The following FRMD5 variants were observed in gnomAD, a reference collection of about 807,000 sequenced individuals.
FRMD5 encodes FERM domain containing 5, also known as FERM domain-containing protein 5.
Under a neutral mutation model 69.0 loss-of-function variants are expected in FRMD5, and 20 were observed. The ratio of observed to expected loss-of-function variants is 0.29; its 90% CI spans 0.20 to 0.42. The LOEUF (loss-of-function observed/expected upper bound fraction) is 0.42, where lower values mean the gene tolerates loss of function less well. Ranked by LOEUF, FRMD5 falls within the 10% of genes least tolerant of loss-of-function variation. The pLI, the probability that FRMD5 is intolerant of heterozygous loss-of-function variation, is 1.00. For synonymous variants in FRMD5, 271 were observed against 260.1 expected (o/e 1.04, Z -0.40); for missense variants, 595 against 708.6 (o/e 0.84, Z 1.82).
intron 1 of FRMD5, among the ~76,000 whole-genome samples, chr15:43,940,716 A>C (rs1327425881): frequency 6.6e-6 from 1 of 152,232 alleles, no homozygotes. Flanking sequence ...AGTGAGGATA[A>C]AAATTAAATC....
intron 1 of FRMD5, among the ~76,000 whole-genome samples, chr15:43,939,392 A>T (rs963845422): frequency 6.6e-6 from 1 of 152,126 alleles, no homozygotes; most frequent in Admixed American, 6.6e-5. Context: ...CTTCAGCATG[A>T]CATGCATGTG....
intron 1 of FRMD5, among the ~76,000 whole-genome samples, chr15:43,999,953 C>CATATATATATAT (rs34872140): frequency 2.1e-4 from 17 of 82,900 alleles, no homozygotes; most frequent in African/African-American, 7.7e-4. Context: ...ATATGCCATG[C>CATATATATATAT]ATATATATAT....
At chr15:43,888,784 T>C (rs1474501824) in intron 9 of FRMD5, 25 bp downstream of exon 9, 4 of 1,601,756 alleles carry the variant, frequency 2.5e-6, no homozygotes, top group Non-Finnish European at 3.4e-6. Context: ...CAGCCCTCCT[T>C]GAAGAGAAGG....
chr15:43,990,240 G>A, intron 1 of FRMD5: 2 of 400,058 alleles, frequency 5.0e-6, no homozygotes, highest in Non-Finnish European at 9.6e-6. Context: ...AAGGCTCTGT[G>A]CTCGCAGGGT....
intron 1 of FRMD5, among the ~76,000 whole-genome samples, chr15:43,930,429 C>G (rs983810776): frequency 6.6e-6 from 1 of 152,204 alleles, no homozygotes; most frequent in Non-Finnish European, 1.5e-5. Context: ...ACTCAGCCAT[C>G]AGGCTGGGAA....
At chr15:44,189,876 T>C (rs1021999534) in intron 1 of FRMD5, among the ~76,000 whole-genome samples, 6 of 152,124 alleles carry the variant, frequency 3.9e-5, no homozygotes, top group African/African-American at 1.4e-4. Context: ...AGGATAGACA[T>C]ATGAATTGGC....
chr15:43,920,738 T>C (rs1425928169), intron 2 of FRMD5, among the ~76,000 whole-genome samples: 1 of 152,238 alleles, frequency 6.6e-6, no homozygotes, highest in Non-Finnish European at 1.5e-5. Context: ...CGTTTACCAC[T>C]GTATCACCAG....
chr15:44,183,582 C>T (rs1253980865), intron 1 of FRMD5, among the ~76,000 whole-genome samples: 1 of 152,166 alleles, frequency 6.6e-6, no homozygotes, highest in African/African-American at 2.4e-5. Flanking sequence ...TTCACTATGA[C>T]TCATTGATTG....
chr15:43,945,566 T>C (rs1048761425), intron 1 of FRMD5, among the ~76,000 whole-genome samples: 2 of 152,166 alleles, frequency 1.3e-5, no homozygotes, highest in Admixed American at 6.5e-5. Context: ...TGTTATATGA[T>C]TGCCAAGCCC....
intron 1 of FRMD5, among the ~76,000 whole-genome samples, chr15:44,039,700 A>C (rs907319477): frequency 6.6e-6 from 1 of 152,172 alleles, no homozygotes; most frequent in Non-Finnish European, 1.5e-5. Context: ...AAGGTAGACA[A>C]ATCCACAAAG....
intron 1 of FRMD5, among the ~76,000 whole-genome samples, chr15:43,937,117 C>A (rs1475485369): frequency 1.3e-5 from 2 of 152,142 alleles, no homozygotes; most frequent in Admixed American, 1.3e-4. Flanking sequence ...AAATGCCTTT[C>A]TATAGGAAAG....
intron 8 of FRMD5, 106 bp from the exon 9 acceptor site, chr15:43,888,978 GAC>G (rs2088731519): frequency 1.1e-6 from 1 of 933,112 alleles, no homozygotes; most frequent in Non-Finnish European, 1.7e-6. Flanking sequence ...TCCAGGCACA[GAC>G]ACAATTTTAG....
chr15:43,983,534 C>A (rs2090579134), intron 1 of FRMD5, among the ~76,000 whole-genome samples: 2 of 152,126 alleles, frequency 1.3e-5, no homozygotes, highest in South Asian at 4.1e-4. Flanking sequence ...CAGCAAGATT[C>A]ACAACTGCCA....
chr15:43,954,235 G>C (rs1250215134), intron 1 of FRMD5, among the ~76,000 whole-genome samples: 1 of 152,194 alleles, frequency 6.6e-6, no homozygotes, highest in Non-Finnish European at 1.5e-5. Flanking sequence ...TGTGATTCAG[G>C]ACGTTCTTCT....
intron 1 of FRMD5, among the ~76,000 whole-genome samples, chr15:44,086,017 G>A (rs186194148): frequency 1.3e-5 from 2 of 152,186 alleles, no homozygotes; most frequent in East Asian, 1.9e-4. Flanking sequence ...GTCATATTCA[G>A]GAGATAATTT....
intron 8 of FRMD5, among the ~76,000 whole-genome samples, chr15:43,891,736 C>T (rs2088797411): frequency 6.6e-6 from 1 of 152,194 alleles, no homozygotes; most frequent in Non-Finnish European, 1.5e-5. Context: ...TCACCCTCCC[C>T]AGAAATCAAA....
intron 1 of FRMD5, among the ~76,000 whole-genome samples, chr15:43,956,788 A>G (rs954974978): frequency 3.3e-5 from 5 of 152,218 alleles, no homozygotes; most frequent in Admixed American, 2.0e-4. Context: ...CATGAATTTC[A>G]GAAGAAGTAA....
chr15:44,056,280 C>T (rs2899104), intron 1 of FRMD5, among the ~76,000 whole-genome samples: 151,907 of 152,328 alleles, frequency 1, 75,745 homozygotes, highest in Middle Eastern at 1. Context: ...AACTAGCATA[C>T]AAACAAACCA....
intron 8 of FRMD5, 121 bp from the exon 9 acceptor site, chr15:43,888,993 A>G (rs1343761146): frequency 6.3e-6 from 5 of 794,730 alleles, no homozygotes; most frequent in Non-Finnish European, 8.5e-6. Flanking sequence ...AATTTTAGCC[A>G]AAATCAGAAC....
Sources: allele counts gnomAD v4.1 joint callset (sites outside exome capture counted in the v4.1 genomes callset), GRCh38; gene constraint gnomAD v4.1.1; transcripts MANE v1.5; gene names NCBI Gene and HGNC (gene_info 2026-07-23, HGNC 2026-07-21).